CPOX: variants seen among roughly 807,000 people sequenced by gnomAD.
The protein encoded by CPOX is coproporphyrinogen oxidase.
A neutral mutation model predicts 48.9 loss-of-function variants in CPOX; 24 were observed. The observed-to-expected ratio is 0.49, with a 90% confidence interval of 0.36 to 0.69. CPOX has a LOEUF of 0.69. Among genes scored for constraint, CPOX ranks in the 30% least tolerant of loss-of-function variants. The probability of loss-of-function intolerance (pLI) is 0.00; values close to 1 mark genes in which losing one functional copy is unlikely to be tolerated. For synonymous variants in CPOX, 249 were observed against 234.6 expected, an observed-to-expected ratio of 1.06 and a Z score of -0.56; for missense variants, 549 against 597.3, an observed-to-expected ratio of 0.92 and a Z score of 0.84.
chr3:98,578,737 T>C (rs1284048481), downstream of CPOX, among the ~76,000 whole-genome samples: 2 of 152,250 alleles, frequency 1.3e-5, no homozygotes, highest in African/African-American at 2.4e-5. Flanking sequence ...ATGTTTCTGA[T>C]GTTCACCCAT....
At chr3:98,572,847 G>T in the CPOX span, among the ~76,000 whole-genome samples, 1 of 152,034 alleles carries the variant, frequency 6.6e-6, no homozygotes, top group African/African-American at 2.4e-5. Context: ...CCATCAAATT[G>T]TAAAAACGTA....
chr3:98,592,842 C>A, intron 1 of CPOX, 107 bp downstream of exon 1: 3 of 1,269,920 alleles, frequency 2.4e-6, no homozygotes, highest in Admixed American at 2.0e-5. Flanking sequence ...GTGGGTACCC[C>A]CTACCTACCC....
rs143925715 is a variant in CPOX, at chr3:98,584,079, C to T, written c.1172+1362G>A. On this transcript the variant is annotated intron_variant, in intron 5 of 6. Coordinates refer to ENST00000647941, the MANE Select transcript of CPOX (RefSeq NM_000097.7). ...CGATGTATAAAAAACAAAACAAAAC[C>T]GCAAAACAAACCATTACTCCTGTCT... 3.6e-3 allele frequency among the ~76,000 whole-genome samples: 541 copies of T among 152,206 alleles called. 8 individuals are homozygous for T. The Middle Eastern group carries it at 0.037, about 11-fold the overall frequency.
chr3:98,587,531 A>T (rs941035787), intron 4 of CPOX, among the ~76,000 whole-genome samples: 5 of 149,716 alleles, frequency 3.3e-5, no homozygotes, highest in African/African-American at 1.2e-4. Context: ...GCAGTGCACA[A>T]CATCACATGG....
At chr3:98,572,775 C>A in the CPOX span, among the ~76,000 whole-genome samples, 1 of 152,256 alleles carries the variant, frequency 6.6e-6, no homozygotes, top group South Asian at 2.1e-4. Flanking sequence ...GCTTTATGGT[C>A]ATTATATTCT....
At chr3:98,583,827 AAGAC>A (rs775830252) in intron 5 of CPOX, among the ~76,000 whole-genome samples, 2 of 152,218 alleles carry the variant, frequency 1.3e-5, no homozygotes, top group Non-Finnish European at 2.9e-5. Context: ...TTAGAAACCA[AAGAC>A]AGTGTTGATA....
In CPOX at chr3:98,592,986, G is replaced by A. The variant is rs1256886070; in HGVS notation, c.519C>T (p.Gly173=). The change falls in exon 1 of 7, where the codon GGC becomes GGT. Residue 173 remains glycine, a synonymous_variant. Coordinates refer to ENST00000647941, the MANE Select transcript of CPOX (RefSeq NM_000097.7). ...CCCACCGGTCCACAGAAAAGTTGGC[G>A]CCCCCGTCTACCTGTGCCAGAGCCT... ...VCQALAQVDG[G]ANFSVDRWER... 12 of 1,613,330 alleles carry A rather than the reference G, an allele frequency of 7.4e-6. No homozygotes were observed. The highest frequency in any genetic ancestry group is 9.3e-6 in the Non-Finnish European group (11 of 1,179,816).
At chr3:98,582,838 C>T (rs1707286174) in intron 5 of CPOX, among the ~76,000 whole-genome samples, 1 of 152,178 alleles carries the variant, frequency 6.6e-6, no homozygotes. Context: ...TGGAACTTGT[C>T]AAAAGCCCTG....
At chr3:98,586,718 G>C (rs1262227421) in intron 4 of CPOX, among the ~76,000 whole-genome samples, 1 of 152,104 alleles carries the variant, frequency 6.6e-6, no homozygotes, top group Non-Finnish European at 1.5e-5. Context: ...GCCGAGGCAG[G>C]CGGATCACGA....
In CPOX at chr3:98,584,897, C is replaced by T. The variant is rs1292399211; in HGVS notation, c.1172+544G>A. 2.0e-5 allele frequency among the ~76,000 whole-genome samples: 3 copies of T among 152,142 alleles called. No homozygotes were observed. In the East Asian group the frequency reaches 5.8e-4, roughly 29 times the overall value. Reference sequence around the variant, plus strand: ...TTTTGAGGTCATTTTGACCCAGTTCCACATCTGAGATCTTAAATTTACCAG... The same window carrying T: ...TTTTGAGGTCATTTTGACCCAGTTCTACATCTGAGATCTTAAATTTACCAG... On this transcript the variant is annotated intron_variant, in intron 5 of 6. Transcript: ENST00000647941.
chr3:98,579,440 T>A, downstream of CPOX: 1 of 694,540 alleles, frequency 1.4e-6, no homozygotes, highest in Non-Finnish European at 1.8e-6. Flanking sequence ...AAAATATAAA[T>A]ATTTCTTAGT....
chr3:98,577,235 C>T (rs1246656161), downstream of CPOX, among the ~76,000 whole-genome samples: 3 of 151,970 alleles, frequency 2.0e-5, no homozygotes, highest in Admixed American at 2.0e-4. Context: ...GCCTGAAACA[C>T]GAGGTAGGAG....
At position 98,579,687 on chromosome 3, in the gene CPOX, G is replaced by A. The variant is rs889044351; in HGVS notation, c.*996C>T. On this transcript the variant is annotated 3_prime_UTR_variant, in exon 7 of 7. Coordinates refer to ENST00000647941, the MANE Select transcript of CPOX (RefSeq NM_000097.7). ...GAATCCTGTTGTGATTTGCTCTTAA[G>A]AGCAAAGAGCTGCAGAATCTCTAAT... 1.0e-6 allele frequency: 1 copy of A among 985,136 alleles called. No homozygotes were observed. The highest frequency in any genetic ancestry group is 1.2e-6 in the Non-Finnish European group (1 of 829,750). The allele number at this position is 985,136 out of a possible 1,614,324, so 61.0% of individuals were successfully genotyped here. A position where few individuals can be genotyped will look rare whatever the true frequency, so the allele number is the denominator to read the frequency against.
At chr3:98,575,783 A>G (rs1409016941), downstream of CPOX, among the ~76,000 whole-genome samples, 1 of 143,762 alleles carries the variant, frequency 7.0e-6, no homozygotes, top group African/African-American at 2.6e-5. Flanking sequence ...AATACAAAAA[A>G]TTAGCCGGGT....
intron 3 of CPOX, among the ~76,000 whole-genome samples, chr3:98,589,255 GT>G (rs2107127551): frequency 6.6e-6 from 1 of 152,264 alleles, no homozygotes; most frequent in East Asian, 1.9e-4. Flanking sequence ...GGAGGTGGAG[GT>G]TGCAGTGAGC....
At chr3:98,591,934 C>A (rs1186390774) in intron 1 of CPOX, among the ~76,000 whole-genome samples, 4 of 150,998 alleles carry the variant, frequency 2.6e-5, no homozygotes, top group African/African-American at 7.3e-5. Context: ...ATGCTTCAGA[C>A]AATATTCTAA....
At chr3:98,592,377 A>G (rs1329094233) in intron 1 of CPOX, among the ~76,000 whole-genome samples, 1 of 152,166 alleles carries the variant, frequency 6.6e-6, no homozygotes, top group African/African-American at 2.4e-5. Flanking sequence ...TGATATTGGA[A>G]GAGAAGATTT....
In CPOX at chr3:98,581,503, T is replaced by G. The variant is rs1707258778; in HGVS notation, c.1181A>C (p.Glu394Ala). ...GCCCCGATCATACAGCAGATTAAAT[T>G]CTACATACCTGCCATAAATACATCA... Reference protein sequence around the residue: ...WQQLRRGRYVEFNLLYDRGTK... With the variant: ...WQQLRRGRYVAFNLLYDRGTK... Residue 394 changes from glutamate to alanine, a missense_variant, in exon 6 of 7, where the codon GAA becomes GCA. Physicochemically the swap from Glu to Ala is moderately radical, Grantham distance 107. Coordinates refer to ENST00000647941, the MANE Select transcript of CPOX (RefSeq NM_000097.7). 1 of 1,611,770 alleles carries G rather than the reference T, an allele frequency of 6.2e-7. No individual in the cohort carries two copies. Among genetic ancestry groups the G allele is most frequent in the Non-Finnish European group, 8.5e-7 (1 of 1,177,984 alleles).
intron 3 of CPOX, among the ~76,000 whole-genome samples, chr3:98,589,174 T>C (rs146502118): frequency 2.0e-5 from 3 of 151,952 alleles, no homozygotes; most frequent in East Asian, 3.9e-4. Flanking sequence ...ATACAAAACA[T>C]AGCCGGGTGT....
Sources: gnomAD v4.1 joint callset for allele counts (sites outside exome capture counted in the v4.1 genomes callset) on GRCh38, gnomAD v4.1.1 for gene constraint, MANE v1.5 for transcripts, NCBI Gene and HGNC (gene_info 2026-07-23, HGNC 2026-07-21) for gene names.